KCNMA1: variants seen among roughly 807,000 people sequenced by gnomAD.
KCNMA1 encodes the protein Calcium-activated potassium channel subunit alpha-1.
A neutral mutation model predicts 140.0 loss-of-function variants in KCNMA1; 29 were observed. The observed-to-expected ratio is 0.21, with a 90% CI of 0.15 to 0.28. The LOEUF is 0.28. Ranked by LOEUF, KCNMA1 falls within the 10% of genes least tolerant of loss-of-function variation. KCNMA1 has a pLI of 1.00. For synonymous variants in KCNMA1, 612 were observed against 611.9 expected (o/e 1.00, Z 0.00); for missense variants, 880 against 1,602.2 (o/e 0.55, Z 7.70).
chr10:77,069,303 G>A (rs927224024), intron 14 of KCNMA1, among the ~76,000 whole-genome samples: 3 of 152,116 alleles, frequency 2.0e-5, no homozygotes, highest in Admixed American at 1.3e-4. Context: ...ATGTTCGTGC[G>A]AACTCCTTAA....
chr10:77,332,108 G>T (rs1286800038), intron 2 of KCNMA1, among the ~76,000 whole-genome samples: 4 of 152,164 alleles, frequency 2.6e-5, no homozygotes, highest in Admixed American at 2.6e-4. Context: ...GTGGGAGACA[G>T]ATTACATAGC....
chr10:77,609,976 G>A (rs1002427263), intron 1 of KCNMA1, among the ~76,000 whole-genome samples: 3 of 152,306 alleles, frequency 2.0e-5, no homozygotes, highest in African/African-American at 4.8e-5. Context: ...GTAACAAGGC[G>A]ATGAAAACAG....
At chr10:77,272,448 C>T (rs891051429) in intron 2 of KCNMA1, among the ~76,000 whole-genome samples, 3 of 152,080 alleles carry the variant, frequency 2.0e-5, no homozygotes, top group Middle Eastern at 3.2e-3. Context: ...TGTCTTATCT[C>T]CCCAACTAGA....
At chr10:77,151,101 CTCT>C (rs948836578) in intron 5 of KCNMA1, among the ~76,000 whole-genome samples, 4 of 151,934 alleles carry the variant, frequency 2.6e-5, no homozygotes, top group African/African-American at 7.3e-5. Flanking sequence ...TTCTCTCTCT[CTCT>C]TTTCTTCTCT....
At chr10:77,402,549 G>A (rs895706340) in intron 2 of KCNMA1, among the ~76,000 whole-genome samples, 3 of 152,188 alleles carry the variant, frequency 2.0e-5, no homozygotes, top group Non-Finnish European at 4.4e-5. Context: ...TTTCTTGAAG[G>A]CTGTGTGGCC....
rs2093916153 is a variant in KCNMA1 at position 77,637,759 on chromosome 10, G to GC, written c.-118dup. On this transcript the variant is annotated 5_prime_UTR_variant, in exon 1 of 28. Coordinates refer to ENST00000286628, the MANE Select transcript of KCNMA1 (RefSeq NM_001161352.2). ...TACTGCTGCCGCCGCCGCCGCCGCC[G>GC]CGGAGCGCGGGAGGGGGGCGGGGAG... is the stretch of plus-strand genomic sequence containing the variant. 14 of 1,309,802 alleles carry GC rather than the reference G, an allele frequency of 1.1e-5. No homozygotes were observed. The South Asian group carries it at 2.8e-4, about 27-fold the overall frequency. The allele number at this position is 1,309,802 out of a possible 1,614,324, so 81.1% of individuals were successfully genotyped here. A position where few individuals can be genotyped will look rare whatever the true frequency, so the allele number is the denominator to read the frequency against.
chr10:77,599,562 T>C (rs2081997233), intron 1 of KCNMA1, among the ~76,000 whole-genome samples: 1 of 152,228 alleles, frequency 6.6e-6, no homozygotes, highest in African/African-American at 2.4e-5. Flanking sequence ...ATCTCATGTC[T>C]ATCTATCAGG....
At chr10:77,321,925 T>C (rs749899871) in intron 2 of KCNMA1, among the ~76,000 whole-genome samples, 10 of 152,202 alleles carry the variant, frequency 6.6e-5, no homozygotes, top group Non-Finnish European at 1.5e-4. Flanking sequence ...TGATACCAAC[T>C]GCATTAATCA....
At chr10:77,288,264 C>G (rs2154305347) in intron 2 of KCNMA1, among the ~76,000 whole-genome samples, 1 of 152,310 alleles carries the variant, frequency 6.6e-6, no homozygotes, top group African/African-American at 2.4e-5. Flanking sequence ...CAAGAGCAAA[C>G]AGTTTATTCA....
chr10:77,080,541 T>C (rs1271394), intron 12 of KCNMA1, among the ~76,000 whole-genome samples: 142,265 of 152,208 alleles, frequency 0.93, 66,604 homozygotes, highest in African/African-American at 0.98. Context: ...CACCACCATA[T>C]CTCTTGCTAG....
chr10:77,382,976 GTGTGTGTGTGTGTGTGTGTATATATATA>G (rs1378403030), intron 2 of KCNMA1, among the ~76,000 whole-genome samples: 18 of 69,336 alleles, frequency 2.6e-4, no homozygotes, highest in African/African-American at 1.6e-3. Flanking sequence ...GTGTGTGTGT[GTGTGTGTGTGTGTGTGTGTATATATATA>G]TATATATATA....
At chr10:77,490,182 C>G (rs141260295) in intron 1 of KCNMA1, among the ~76,000 whole-genome samples, 1 of 152,240 alleles carries the variant, frequency 6.6e-6, no homozygotes, top group Non-Finnish European at 1.5e-5. Flanking sequence ...ATCTAGGGCT[C>G]CCACCACTTT....
At chr10:77,307,160 T>A (rs1454473872) in intron 2 of KCNMA1, among the ~76,000 whole-genome samples, 1 of 152,172 alleles carries the variant, frequency 6.6e-6, no homozygotes, top group Non-Finnish European at 1.5e-5. Context: ...AGAAGGGGCA[T>A]GGCTCCCTGA....
intron 1 of KCNMA1, among the ~76,000 whole-genome samples, chr10:77,431,979 A>G (rs1295756932): frequency 1.3e-5 from 2 of 151,728 alleles, no homozygotes; most frequent in Non-Finnish European, 2.9e-5. Context: ...GCGACAGAGC[A>G]AGACTCTATC....
chr10:77,321,292 A>G (rs927882331), intron 2 of KCNMA1, among the ~76,000 whole-genome samples: 2 of 152,188 alleles, frequency 1.3e-5, no homozygotes, highest in African/African-American at 4.8e-5. Context: ...CCCTAAATAC[A>G]GCTCCAAAAA....
intron 2 of KCNMA1, among the ~76,000 whole-genome samples, chr10:77,365,099 T>C (rs2094259399): frequency 6.6e-6 from 1 of 152,110 alleles, no homozygotes. Flanking sequence ...TGGGGAGTAA[T>C]TGCCAAGAAA....
At chr10:77,500,218 G>A (rs1222906674) in intron 1 of KCNMA1, among the ~76,000 whole-genome samples, 1 of 150,792 alleles carries the variant, frequency 6.6e-6, no homozygotes, top group Non-Finnish European at 1.5e-5. Context: ...ATCAAAATGT[G>A]TGGTACACAT....
At chr10:77,460,065 T>C (rs868513391) in intron 1 of KCNMA1, among the ~76,000 whole-genome samples, 18 of 152,236 alleles carry the variant, frequency 1.2e-4, no homozygotes, top group African/African-American at 7.2e-5. Flanking sequence ...AAACCAGCCA[T>C]AGGCAATATG....
chr10:77,506,637 C>CAGAG (rs1409552831), intron 1 of KCNMA1, among the ~76,000 whole-genome samples: 12 of 35,836 alleles, frequency 3.3e-4, no homozygotes, highest in Non-Finnish European at 5.2e-4. Context: ...GGGAGAGAGA[C>CAGAG]AGAGAGGGAG....
Sources: gnomAD v4.1 joint callset for allele counts (sites outside exome capture counted in the v4.1 genomes callset) on GRCh38, gnomAD v4.1.1 for gene constraint, MANE v1.5 for transcripts, NCBI Gene and HGNC (gene_info 2026-07-23, HGNC 2026-07-21) for gene names.